The following KCNH5 variants were observed in gnomAD, a reference collection of about 807,000 sequenced individuals.
KCNH5 encodes voltage-gated delayed rectifier potassium channel KCNH5.
KCNH5 carries 46 observed loss-of-function variants against 96.1 expected under a neutral mutation model. That is an observed-to-expected ratio of 0.48 (90% CI 0.38 to 0.61). The LOEUF is 0.61. Among genes scored for constraint, KCNH5 ranks in the 20% least tolerant of loss-of-function variants. The probability of loss-of-function intolerance (pLI) is 0.00; values close to 1 mark genes in which losing one functional copy is unlikely to be tolerated. For missense variants in KCNH5, 907 were observed against 1,225.8 expected (o/e 0.74, Z 3.88); for synonymous variants, 439 against 449.8 (o/e 0.98, Z 0.30).
At chr14:62,917,116 G>A (rs10483760) in intron 7 of KCNH5, among the ~76,000 whole-genome samples, 23,037 of 152,152 alleles carry the variant, frequency 0.15, 2,006 homozygotes, top group East Asian at 0.37. Context: ...GCCCTGAGAG[G>A]AGATATATTA....
intron 10 of KCNH5, among the ~76,000 whole-genome samples, chr14:62,731,694 T>C (rs147057620): frequency 3.5e-4 from 54 of 152,316 alleles, no homozygotes; most frequent in African/African-American, 1.3e-3. Flanking sequence ...ATGCCACCAT[T>C]GCCACAGGTT....
intron 9 of KCNH5, among the ~76,000 whole-genome samples, chr14:62,781,565 G>A (rs932483294): frequency 6.6e-6 from 1 of 152,194 alleles, no homozygotes; most frequent in Non-Finnish European, 1.5e-5. Context: ...GCAGTTTAGA[G>A]ACCTACCGCC....
chr14:62,826,395 TGTGC>T (rs1272349384), intron 8 of KCNH5, among the ~76,000 whole-genome samples: 97 of 129,260 alleles, frequency 7.5e-4, no homozygotes, highest in Middle Eastern at 7.6e-3. Context: ...TGTGTGTGTG[TGTGC>T]GTGCGTGCAT....
At chr14:62,923,459 A>G (rs1390112184) in intron 7 of KCNH5, among the ~76,000 whole-genome samples, 4 of 152,014 alleles carry the variant, frequency 2.6e-5, no homozygotes, top group Middle Eastern at 3.2e-3. Flanking sequence ...TCAGAAAAAT[A>G]GAAAAACAAT....
At chr14:62,880,481 G>T (rs575168758) in intron 7 of KCNH5, among the ~76,000 whole-genome samples, 3 of 152,198 alleles carry the variant, frequency 2.0e-5, no homozygotes, top group Non-Finnish European at 2.9e-5. Flanking sequence ...CTGGTGGAAT[G>T]AGAAATTCTT....
At chr14:62,986,462 C>G (rs1041464598) in intron 5 of KCNH5, among the ~76,000 whole-genome samples, 6 of 152,112 alleles carry the variant, frequency 3.9e-5, no homozygotes, top group Non-Finnish European at 1.5e-5. Context: ...ACCATACTAC[C>G]TCATCTCTGA....
chr14:62,781,111 C>G (rs1275088548), intron 9 of KCNH5, among the ~76,000 whole-genome samples: 1 of 151,926 alleles, frequency 6.6e-6, no homozygotes, highest in Non-Finnish European at 1.5e-5. Flanking sequence ...AATAAAGGGA[C>G]AGAGTACAAA....
At chr14:62,963,557 C>CAAAAT (rs3999746) in intron 6 of KCNH5, among the ~76,000 whole-genome samples, 1 of 151,398 alleles carries the variant, frequency 6.6e-6, no homozygotes, top group Non-Finnish European at 1.5e-5. Flanking sequence ...AAAAGCAAGA[C>CAAAAT]GAGATGAGAT....
At chr14:62,899,711 G>T (rs1226414269) in intron 7 of KCNH5, among the ~76,000 whole-genome samples, 1 of 150,628 alleles carries the variant, frequency 6.6e-6, no homozygotes, top group African/African-American at 2.4e-5. Flanking sequence ...GCGGGCGCCT[G>T]TAGTCCCAGC....
intron 8 of KCNH5, among the ~76,000 whole-genome samples, chr14:62,829,292 C>T (rs1446115732): frequency 6.6e-6 from 1 of 152,168 alleles, no homozygotes; most frequent in Non-Finnish European, 1.5e-5. Flanking sequence ...CTTCTCACAG[C>T]TTCACTAGGA....
At position 62,867,551 on chromosome 14, in the gene KCNH5, A is replaced by G. The variant is rs374208300; in HGVS notation, c.1370-17699T>C. ...ACCCATCTCTTCCCTATACCTCTAC[A>G]ATAGCCTCCTAACTAGTTCTTTATT... On this transcript the variant is annotated intron_variant, in intron 7 of 10. Transcript: ENST00000322893. Among the ~76,000 whole-genome samples, 6 of 152,322 alleles carry G rather than the reference A, an allele frequency of 3.9e-5. No homozygotes were observed. The East Asian group carries it at 5.8e-4, about 15-fold the overall frequency.
At chr14:62,882,446 T>G (rs1888512932) in intron 7 of KCNH5, among the ~76,000 whole-genome samples, 2 of 152,178 alleles carry the variant, frequency 1.3e-5, no homozygotes, top group African/African-American at 4.8e-5. Context: ...TAGCCAAGTC[T>G]CACAAGCAAT....
In KCNH5 at chr14:62,766,486, C is replaced by A. The variant is rs1274203340; in HGVS notation, c.2019+13242G>T. The stretch of plus-strand genomic sequence containing the variant: ...CGTGGTATGTATGCACACCTGAGAA[C>A]TATTCATCCATGATAAAGAATGAGA... On this transcript the variant is annotated intron_variant, in intron 10 of 10. Coordinates refer to ENST00000322893, the MANE Select transcript of KCNH5 (RefSeq NM_139318.5). Among the ~76,000 whole-genome samples, 7 of 152,084 alleles carry A rather than the reference C, an allele frequency of 4.6e-5. No individual in the cohort carries two copies. In the East Asian group the frequency reaches 1.3e-3, roughly 29 times the overall value.
intron 10 of KCNH5, among the ~76,000 whole-genome samples, chr14:62,711,407 T>C (rs942570488): frequency 2.0e-5 from 3 of 152,208 alleles, no homozygotes; most frequent in Admixed American, 6.5e-5. Context: ...TCGAGAAATG[T>C]AAAAGTAACT....
rs1885101231 is a variant in KCNH5, at chr14:62,733,844, C to T, written c.2020-25389G>A. Among the ~76,000 whole-genome samples, 3 of 152,240 alleles carry T rather than the reference C, an allele frequency of 2.0e-5. No homozygotes were observed. In the South Asian group the frequency reaches 6.2e-4, roughly 32 times the overall value. Reference sequence around the variant, plus strand: ...ATGGGCTCTCTATCATCCCTTCAAACACTGGTGCTCCCCATAGTTCAGTCC... The same window carrying T: ...ATGGGCTCTCTATCATCCCTTCAAATACTGGTGCTCCCCATAGTTCAGTCC... On this transcript the variant is annotated intron_variant, in intron 10 of 10. Transcript: ENST00000322893.
intron 7 of KCNH5, among the ~76,000 whole-genome samples, chr14:62,892,769 A>T (rs1359681222): frequency 6.6e-6 from 1 of 152,172 alleles, no homozygotes; most frequent in Non-Finnish European, 1.5e-5. Flanking sequence ...GTGCCCTATA[A>T]ATGGGACAAC....
chr14:62,873,070 A>G (rs1444661855), intron 7 of KCNH5, among the ~76,000 whole-genome samples: 1 of 151,758 alleles, frequency 6.6e-6, no homozygotes, highest in Non-Finnish European at 1.5e-5. Flanking sequence ...GAATGGTGTG[A>G]ACCCAGGAGG....
chr14:62,920,686 A>G (rs1451859086), intron 7 of KCNH5, among the ~76,000 whole-genome samples: 3 of 152,170 alleles, frequency 2.0e-5, no homozygotes, highest in Non-Finnish European at 4.4e-5. Context: ...AAAAATTACA[A>G]TCTTGAAAAT....
intron 10 of KCNH5, among the ~76,000 whole-genome samples, chr14:62,749,924 C>T (rs1037138957): frequency 6.6e-6 from 1 of 152,172 alleles, no homozygotes; most frequent in African/African-American, 2.4e-5. Context: ...CATTATTGTT[C>T]TGTAAGCGCT....
Sources: gnomAD v4.1 joint callset for allele counts (sites outside exome capture counted in the v4.1 genomes callset) on GRCh38, gnomAD v4.1.1 for gene constraint, MANE v1.5 for transcripts, NCBI Gene and HGNC (gene_info 2026-07-23, HGNC 2026-07-21) for gene names.